PDE11A: variants seen among roughly 807,000 people sequenced by gnomAD.
The protein encoded by PDE11A is phosphodiesterase 11A.
Under a neutral mutation model 100.5 loss-of-function variants are expected in PDE11A, and 100 were observed. The ratio of observed to expected loss-of-function variants is 1.00; its 90% confidence interval spans 0.85 to 1.18. The LOEUF is 1.18. Ranked by LOEUF, PDE11A falls within the 50% of genes most tolerant of loss-of-function variation. PDE11A has a pLI of 0.00. For synonymous variants in PDE11A, 381 were observed against 420.8 expected (o/e 0.91, Z 1.16); for missense variants, 1,141 against 1,152.6 (o/e 0.99, Z 0.15).
intron 19 of PDE11A, among the ~76,000 whole-genome samples, chr2:177,643,436 G>A (rs936639976): frequency 2.0e-5 from 3 of 152,148 alleles, no homozygotes; most frequent in Non-Finnish European, 2.9e-5. Context: ...CTGCCCTAGA[G>A]ATTTGTGGAA....
At chr2:178,057,299 T>C (rs1001906496) in intron 1 of PDE11A, among the ~76,000 whole-genome samples, 2 of 152,174 alleles carry the variant, frequency 1.3e-5, no homozygotes, top group East Asian at 1.9e-4. Context: ...CTGACAATCT[T>C]GGAGGACACT....
intron 1 of PDE11A, among the ~76,000 whole-genome samples, chr2:178,037,773 A>G (rs1171281582): frequency 6.6e-6 from 1 of 152,196 alleles, no homozygotes; most frequent in Non-Finnish European, 1.5e-5. Context: ...ACACATGAAC[A>G]GAAAACCAAA....
chr2:178,029,913 T>C (rs1213772132), intron 1 of PDE11A, among the ~76,000 whole-genome samples: 3 of 152,182 alleles, frequency 2.0e-5, no homozygotes, highest in Non-Finnish European at 2.9e-5. Flanking sequence ...TCCCCAGCAC[T>C]CTTTGCCCTT....
chr2:177,633,957 T>C (rs2079993622), intron 19 of PDE11A, among the ~76,000 whole-genome samples: 1 of 152,224 alleles, frequency 6.6e-6, no homozygotes, highest in Non-Finnish European at 1.5e-5. Context: ...TTTCTGGCTC[T>C]GTTTTACTTA....
intron 19 of PDE11A, among the ~76,000 whole-genome samples, chr2:177,660,993 T>C (rs1015737519): frequency 6.6e-6 from 1 of 152,138 alleles, no homozygotes; most frequent in Non-Finnish European, 1.5e-5. Flanking sequence ...TGGGGTGCCC[T>C]GGGTCAACTC....
chr2:177,930,604 A>G (rs1259043062), intron 2 of PDE11A, among the ~76,000 whole-genome samples: 1 of 152,272 alleles, frequency 6.6e-6, no homozygotes, highest in Non-Finnish European at 1.5e-5. Flanking sequence ...AGCCTCTTCT[A>G]TCTGGAAATA....
chr2:177,882,892 A>G (rs1394098853), intron 4 of PDE11A, among the ~76,000 whole-genome samples: 2 of 152,220 alleles, frequency 1.3e-5, no homozygotes, highest in Non-Finnish European at 2.9e-5. Flanking sequence ...AATAAAAATT[A>G]TCTACTAAGT....
chr2:177,977,526 C>T (rs372634990), intron 2 of PDE11A, among the ~76,000 whole-genome samples: 4 of 104,456 alleles, frequency 3.8e-5, no homozygotes, highest in Non-Finnish European at 6.0e-5. Flanking sequence ...AGGTAATTTA[C>T]AGATTCAATG....
At chr2:177,647,056 G>C (rs546624200) in intron 19 of PDE11A, among the ~76,000 whole-genome samples, 27 of 152,320 alleles carry the variant, frequency 1.8e-4, no homozygotes, top group Non-Finnish European at 5.9e-5. Flanking sequence ...AGAAGCCACA[G>C]CCTTTGATGA....
At chr2:177,770,353 C>T (rs1191719789) in intron 9 of PDE11A, among the ~76,000 whole-genome samples, 3 of 152,232 alleles carry the variant, frequency 2.0e-5, no homozygotes, top group East Asian at 1.9e-4. Context: ...TGCAGCCAAC[C>T]TGCAGCTGAT....
intron 4 of PDE11A, among the ~76,000 whole-genome samples, chr2:177,894,053 G>A (rs1395600576): frequency 6.6e-6 from 1 of 152,136 alleles, no homozygotes; most frequent in Non-Finnish European, 1.5e-5. Context: ...GATGGAAGTT[G>A]ATATTGAATG....
intron 10 of PDE11A, among the ~76,000 whole-genome samples, chr2:177,768,124 T>A (rs2082263508): frequency 1.3e-5 from 2 of 152,220 alleles, no homozygotes; most frequent in Admixed American, 1.3e-4. Context: ...TTGCAGTGTA[T>A]GTGCTGCTTC....
rs559847987 is a variant in PDE11A at position 177,854,367 on chromosome 2, C to T, written c.1368-13984G>A. ...ATGGGTAAGAGGTAAAGATTAGATG[C>T]TTGAAAAATACATTTCCAAATTCAT... On this transcript the variant is annotated intron_variant, in intron 5 of 19. Transcript: ENST00000286063. Among the ~76,000 whole-genome samples the T allele has an allele frequency of 3.3e-5, 5 of 151,996 alleles. No individual in the cohort carries two copies. In the South Asian group the frequency reaches 6.2e-4, roughly 19 times the overall value.
chr2:178,038,072 A>G (rs917129769), intron 1 of PDE11A, among the ~76,000 whole-genome samples: 19 of 152,168 alleles, frequency 1.2e-4, no homozygotes, highest in Admixed American at 1.2e-3. Context: ...TAGATTAGAT[A>G]CCCTTTAATG....
At chr2:177,934,829 T>C (rs1180648906) in intron 2 of PDE11A, among the ~76,000 whole-genome samples, 3 of 152,204 alleles carry the variant, frequency 2.0e-5, no homozygotes, top group East Asian at 3.8e-4. Context: ...GGCATGTCCT[T>C]TGCAGCAACA....
chr2:177,744,068 A>G (rs1448341015), intron 10 of PDE11A, among the ~76,000 whole-genome samples: 3 of 152,210 alleles, frequency 2.0e-5, no homozygotes, highest in East Asian at 1.9e-4. Flanking sequence ...AGGGAATAGT[A>G]GGGCTGGAGA....
At chr2:177,779,889 T>C (rs1390438388) in intron 9 of PDE11A, among the ~76,000 whole-genome samples, 1 of 152,228 alleles carries the variant, frequency 6.6e-6, no homozygotes, top group Non-Finnish European at 1.5e-5. Context: ...TTTCAATTTA[T>C]TTTAGCCAGA....
intron 5 of PDE11A, among the ~76,000 whole-genome samples, chr2:177,845,114 G>A (rs1240908113): frequency 6.6e-6 from 1 of 152,048 alleles, no homozygotes; most frequent in Non-Finnish European, 1.5e-5. Context: ...AGTAGGGGCA[G>A]CCGGGCAGAG....
At chr2:177,992,919 CGTTTTTTCTT>C (rs888359914) in intron 2 of PDE11A, among the ~76,000 whole-genome samples, 14 of 150,950 alleles carry the variant, frequency 9.3e-5, no homozygotes, top group African/African-American at 3.4e-4. Flanking sequence ...TTTTTTTTCT[CGTTTTTTCTT>C]AATTCTTAAC....
Sources: allele counts gnomAD v4.1 joint callset (sites outside exome capture counted in the v4.1 genomes callset), GRCh38; gene constraint gnomAD v4.1.1; transcripts MANE v1.5; gene names NCBI Gene and HGNC (gene_info 2026-07-23, HGNC 2026-07-21).